Variants in AAAS observed in about 807,000 individuals in gnomAD.
The protein encoded by AAAS is aladin WD repeat nucleoporin.
AAAS carries 60 observed loss-of-function variants against 75.6 expected under a neutral mutation model. The observed-to-expected ratio is 0.79, with a 90% CI of 0.64 to 0.98. AAAS has a LOEUF of 0.98. Ranked by LOEUF, AAAS falls within the 50% of genes least tolerant of loss-of-function variation. The pLI is 0.00. For missense variants in AAAS, 658 were observed against 686.9 expected (o/e 0.96, Z 0.47); for synonymous variants, 271 against 265.0 (o/e 1.02, Z -0.22).
Position 53,314,834 on chromosome 12 carries a change from C to T in AAAS, c.462G>A (p.Leu154=). 1.2e-6 allele frequency: 2 copies of T among 1,613,830 alleles called. No homozygotes were observed. Among genetic ancestry groups the T allele is most frequent in the Non-Finnish European group, 8.5e-7 (1 of 1,179,894 alleles). ...AQVTNWSSCC[L]RVFAWHPHTN... Reference sequence around the variant, plus strand: ...TGTGGGGGTGCCATGCAAAGACACGCAAGCAGCAGCTGGACCTAAGGAAGG... The same window carrying T: ...TGTGGGGGTGCCATGCAAAGACACGTAAGCAGCAGCTGGACCTAAGGAAGG... Residue 154 remains leucine, a synonymous_variant, in exon 6 of 16, where the codon TTG becomes TTA. Transcript: ENST00000209873.
At chr12:53,313,321 G>A (rs1053698613) in intron 7 of AAAS, among the ~76,000 whole-genome samples, 1 of 151,840 alleles carries the variant, frequency 6.6e-6, no homozygotes. Flanking sequence ...GCACCACCAC[G>A]TCCAGCTAAT....
Position 53,309,769 on chromosome 12 carries a change from A to G in AAAS, c.690-48T>C, listed in dbSNP as rs773043083. 6.2e-6 allele frequency: 10 copies of G among 1,602,168 alleles called. 1 individual carries two copies. In the Admixed American group the frequency reaches 1.8e-4, roughly 28 times the overall value. Reference sequence around the variant, plus strand: ...TGGAGTCAGAAGATGACAAGAAGCCATCCCCAAAATTCTATTTCTTTGCCT... The same window carrying G: ...TGGAGTCAGAAGATGACAAGAAGCCGTCCCCAAAATTCTATTTCTTTGCCT... On this transcript the variant is annotated intron_variant, in intron 7 of 15. Transcript: ENST00000209873.
rs774891738 is a variant in AAAS, at chr12:53,314,744, C to A, written c.545+7G>T. The A allele has an allele frequency of 1.9e-6, 3 of 1,612,354 alleles. No individual in the cohort carries two copies. The highest frequency in any genetic ancestry group is 1.3e-5 in the African/African-American group (1 of 74,860). On this transcript the variant is annotated splice_region_variant and intron_variant, in intron 6 of 15. Coordinates refer to ENST00000209873, the MANE Select transcript of AAAS (RefSeq NM_015665.6). ...AGTCAGAGCCCACCTGGTGTCCCCA[C>A]ACACACCTGCTGGCATTATACACAC...
chr12:53,321,514 G>C lies in AAAS; in HGVS notation c.-49C>G. On this transcript the variant is annotated 5_prime_UTR_variant, in exon 1 of 16. Transcript: ENST00000209873. The stretch of plus-strand genomic sequence containing the variant: ...CAGTCGGCAAACTCCTGGCCGGAAC[G>C]GCACAGACCGCACTCCCGCAACTCG... 6.2e-7 allele frequency: 1 copy of C among 1,611,898 alleles called. No individual in the cohort carries two copies.
chr12:53,318,251 T>TGCGTGC (rs1555191468), intron 2 of AAAS, among the ~76,000 whole-genome samples: 1 of 137,110 alleles, frequency 7.3e-6, no homozygotes. Flanking sequence ...TGTGCGTGTG[T>TGCGTGC]GTGTGTGTGT....
At position 53,309,181 on chromosome 12, in the gene AAAS, G is replaced by A. The variant is rs909046941; in HGVS notation, c.911C>T (p.Ala304Val). 5 of 1,614,186 alleles carry A rather than the reference G, an allele frequency of 3.1e-6. No individual in the cohort carries two copies. The Admixed American group carries it at 8.3e-5, about 27-fold the overall frequency. Residue 304 changes from alanine (A) to valine (V), a missense_variant, in exon 9 of 16, where the codon GCT becomes GTT. Coordinates refer to ENST00000209873, the MANE Select transcript of AAAS (RefSeq NM_015665.6). ...CCGAAAGACAGCTGAAGGAGTGGTA[G>A]CCAGGATTTTGCTGCCGTCTGGGGA... is the stretch of plus-strand genomic sequence containing the variant. ...LWSPDGSKIL[A>V]TTPSAVFRVW... is the part of the protein sequence containing the mutation.
At chr12:53,314,676 G>A (rs934932812) in intron 6 of AAAS, 75 bp downstream of exon 6, 7 of 1,484,736 alleles carry the variant, frequency 4.7e-6, no homozygotes, top group Non-Finnish European at 6.5e-6. Flanking sequence ...AGAACTACAG[G>A]ACTCCCCGGA....
At chr12:53,315,682 G>A in intron 3 of AAAS, 45 bp downstream of exon 3, 1 of 1,603,476 alleles carries the variant, frequency 6.2e-7, no homozygotes, top group Non-Finnish European at 8.5e-7. Context: ...ATATGGAGAG[G>A]AGATAACCAC....
In AAAS at chr12:53,308,546, CAG is replaced by C. The variant is rs1252350043; in HGVS notation, c.1088-20_1088-19del. 6.2e-7 allele frequency: 1 copy of C among 1,613,940 alleles called. No homozygotes were observed. ...TCCCTCACCTGTGGACAAATAAGAGCAGAGAGGTTCTTGCAAGAAACAGGCCT... is the reference window on the plus strand; with the variant it reads ...TCCCTCACCTGTGGACAAATAAGAGCAGAGGTTCTTGCAAGAAACAGGCCT... On this transcript the variant is annotated intron_variant, in intron 11 of 15. Coordinates refer to ENST00000209873, the MANE Select transcript of AAAS (RefSeq NM_015665.6).
chr12:53,309,743 G>C, intron 7 of AAAS, 22 bp from the exon 8 acceptor site: 1 of 1,611,274 alleles, frequency 6.2e-7, no homozygotes. Flanking sequence ...CACAGAGGAT[G>C]TGGAGTCAGA....
intron 7 of AAAS, among the ~76,000 whole-genome samples, chr12:53,312,099 G>A (rs542711384): frequency 2.7e-4 from 41 of 152,088 alleles, no homozygotes; most frequent in South Asian, 1.2e-3. Flanking sequence ...ATGCTGAGGC[G>A]GGCGGATCAC....
chr12:53,308,936 C>T (rs1490961445), intron 10 of AAAS, 24 bp downstream of exon 10: 1 of 1,614,196 alleles, frequency 6.2e-7, no homozygotes, highest in Admixed American at 1.7e-5. Context: ...TCCCCAGTGT[C>T]TGTGAATCAG....
intron 7 of AAAS, among the ~76,000 whole-genome samples, chr12:53,311,154 A>T (rs570255368): frequency 1.3e-5 from 2 of 152,126 alleles, no homozygotes; most frequent in South Asian, 4.1e-4. Flanking sequence ...ATGTTGACCA[A>T]GCTAGTCTCA....
At chr12:53,321,050 CAGAT>C in intron 1 of AAAS, 1 of 558,050 alleles carries the variant, frequency 1.8e-6, no homozygotes, top group Non-Finnish European at 3.2e-6. Context: ...TGATCCTCCC[CAGAT>C]ACTGTCCCCA....
At chr12:53,315,653 G>C (rs975944152) in intron 3 of AAAS, 74 bp downstream of exon 3, 4 of 1,547,618 alleles carry the variant, frequency 2.6e-6, no homozygotes, top group Middle Eastern at 1.7e-4. Flanking sequence ...GCCAACAGGT[G>C]TCGGGGGTGA....
At chr12:53,309,402 A>G (rs1324864095) in intron 8 of AAAS, 121 bp from the exon 9 acceptor site, 6 of 1,534,316 alleles carry the variant, frequency 3.9e-6, no homozygotes, top group South Asian at 1.2e-5. Flanking sequence ...ACTGTGAAAC[A>G]TGAGGCACGG....
chr12:53,320,842 G>C (rs1279125436), intron 1 of AAAS, 150 bp from the exon 2 acceptor site: 9 of 883,868 alleles, frequency 1.0e-5, no homozygotes, highest in Non-Finnish European at 1.6e-5. Context: ...GTGAGAATGG[G>C]AAACAAGTCT....
chr12:53,309,639 G>A lies in AAAS; in HGVS notation c.772C>T (p.Arg258Trp), dbSNP rs182489063. The change falls in exon 8 of 16, where the codon CGG (arginine) becomes TGG (tryptophan). Residue 258 changes from arginine to tryptophan, a missense_variant. Transcript: ENST00000209873. ...TCCACGGGTGAAGCTGAGAGCAGCC[G>A]CCCCCCACTGGGGGCCCAGGCCAAG... ...TSLAWAPSGG[R>W]LLSASPVDAA... The A allele has an allele frequency of 7.1e-5, 115 of 1,613,448 alleles. No homozygotes were observed. In the Middle Eastern group the frequency reaches 3.1e-3, roughly 44 times the overall value.
chr12:53,309,917 C>T (rs914066702), intron 7 of AAAS, 196 bp from the exon 8 acceptor site: 5 of 791,540 alleles, frequency 6.3e-6, no homozygotes, highest in African/African-American at 1.7e-5. Flanking sequence ...CAAGTCACCA[C>T]GAGCAGGTCA....
Sources: gnomAD v4.1 joint callset for allele counts (sites outside exome capture counted in the v4.1 genomes callset) on GRCh38, gnomAD v4.1.1 for gene constraint, MANE v1.5 for transcripts, NCBI Gene and HGNC (gene_info 2026-07-23, HGNC 2026-07-21) for gene names.